HTR2C: variants seen among roughly 807,000 people sequenced by gnomAD.
HTR2C encodes 5-hydroxytryptamine (serotonin) receptor 2C, G protein-coupled.
Under a neutral mutation model 21.0 loss-of-function variants are expected in HTR2C, and 5 were observed. The ratio of observed to expected loss-of-function variants is 0.24; its 90% CI spans 0.12 to 0.50. The LOEUF (loss-of-function observed/expected upper bound fraction) is 0.50. Among genes scored for constraint, HTR2C ranks in the 20% least tolerant of loss-of-function variants. The pLI is 0.98. For synonymous variants in HTR2C, 150 were observed against 145.3 expected (o/e 1.03, Z -0.23); for missense variants, 271 against 371.2 (o/e 0.73, Z 2.22).
chrX:114,906,014 A>C (rs917319793), intron 5 of HTR2C, among the ~76,000 whole-genome samples: 2 of 110,907 alleles, frequency 1.8e-5, no homozygotes, highest in Admixed American at 9.6e-5. Flanking sequence ...ACAAACAAAA[A>C]CCCTTGCTAA....
intron 4 of HTR2C, among the ~76,000 whole-genome samples, chrX:114,762,701 G>T (rs1454355327): frequency 9.0e-6 from 1 of 111,605 alleles, no homozygotes; most frequent in Non-Finnish European, 1.9e-5. Flanking sequence ...TTTATCATTT[G>T]AATACATTTT....
rs1933515316 is a variant in HTR2C, at chrX:114,726,913, T to C, written c.-24T>C. On this transcript the variant is annotated 5_prime_UTR_variant, in exon 3 of 6. Transcript: ENST00000276198. ...ATTTCGTCTTCTCAATTTTAAACTT[T>C]GGTTGCTTAAGACTGAAGCAATCAT... 1.8e-6 allele frequency: 2 copies of C among 1,095,625 alleles called. No homozygotes were observed. The highest frequency in any genetic ancestry group is 6.7e-5 in the East Asian group (2 of 29,911). The allele number at this position is 1,095,625 out of a possible 1,213,427, so 90.3% of individuals were successfully genotyped here. A position where few individuals can be genotyped will look rare whatever the true frequency, so the allele number is the denominator to read the frequency against.
intron 4 of HTR2C, among the ~76,000 whole-genome samples, chrX:114,736,067 C>T (rs1233677205): frequency 1.8e-5 from 2 of 108,723 alleles, no homozygotes; most frequent in East Asian, 2.9e-4. Context: ...GAGCCGAGAT[C>T]GCGCCACTGC....
intron 2 of HTR2C, among the ~76,000 whole-genome samples, chrX:114,676,190 A>G (rs1556412628): frequency 9.0e-6 from 1 of 111,417 alleles, no homozygotes. Flanking sequence ...TTTGATAACC[A>G]TATCTCATAT....
chrX:114,722,471 T>C (rs1334593322), intron 2 of HTR2C, among the ~76,000 whole-genome samples: 2 of 111,330 alleles, frequency 1.8e-5, no homozygotes, highest in African/African-American at 6.6e-5. Context: ...CAGGGACAAT[T>C]TGACGTCCTC....
At chrX:114,589,168 G>T (rs1385602811) in intron 1 of HTR2C, among the ~76,000 whole-genome samples, 4 of 111,909 alleles carry the variant, frequency 3.6e-5, no homozygotes, top group African/African-American at 1.3e-4. Flanking sequence ...GTAAATGTGA[G>T]GATATTAATG....
intron 4 of HTR2C, among the ~76,000 whole-genome samples, chrX:114,793,570 C>A (rs1266001094): frequency 9.0e-6 from 1 of 111,630 alleles, no homozygotes; most frequent in African/African-American, 3.2e-5. Context: ...TTCCCACCCT[C>A]CTTTAATGGG....
At chrX:114,828,492 A>G (rs1238663571) in intron 4 of HTR2C, among the ~76,000 whole-genome samples, 1 of 111,590 alleles carries the variant, frequency 9.0e-6, no homozygotes, top group East Asian at 2.8e-4. Flanking sequence ...AATTCTGTGT[A>G]TATTTGGATA....
At chrX:114,856,935 AT>A (rs782351319) in intron 5 of HTR2C, among the ~76,000 whole-genome samples, 1 of 111,238 alleles carries the variant, frequency 9.0e-6, no homozygotes, top group East Asian at 2.8e-4. Context: ...TAACATATTA[AT>A]ATTTCTATGG....
intron 4 of HTR2C, among the ~76,000 whole-genome samples, chrX:114,767,264 T>A (rs2069955810): frequency 9.0e-6 from 1 of 110,966 alleles, no homozygotes; most frequent in Non-Finnish European, 1.9e-5. Flanking sequence ...GAGTTCGTAC[T>A]TAGAGTATAC....
chrX:114,603,960 A>G (rs1928267127), intron 1 of HTR2C, among the ~76,000 whole-genome samples: 2 of 102,918 alleles, frequency 1.9e-5, no homozygotes, highest in Admixed American at 1.1e-4. Flanking sequence ...TTGTAAGGAG[A>G]GTTTATAGGC....
intron 4 of HTR2C, among the ~76,000 whole-genome samples, chrX:114,734,262 T>C (rs2069566025): frequency 9.0e-6 from 1 of 110,997 alleles, no homozygotes; most frequent in Non-Finnish European, 1.9e-5. Context: ...TAGAGTGTGG[T>C]TGAAATAGAA....
chrX:114,783,113 G>A (rs1163338968), intron 4 of HTR2C, among the ~76,000 whole-genome samples: 1 of 111,462 alleles, frequency 9.0e-6, no homozygotes. Context: ...AATGTAAATG[G>A]TCTAAAATTT....
At chrX:114,761,036 ATT>A (rs1420241433) in intron 4 of HTR2C, among the ~76,000 whole-genome samples, 1 of 111,258 alleles carries the variant, frequency 9.0e-6, no homozygotes, top group Non-Finnish European at 1.9e-5. Context: ...TTTTAGTAGC[ATT>A]TTTTTTCTTA....
intron 5 of HTR2C, among the ~76,000 whole-genome samples, chrX:114,858,267 C>T (rs985981131): frequency 3.6e-5 from 4 of 111,143 alleles, no homozygotes; most frequent in African/African-American, 9.8e-5. Flanking sequence ...ATTGGTATTG[C>T]ATTAAATCTA....
intron 4 of HTR2C, among the ~76,000 whole-genome samples, chrX:114,763,648 C>T (rs1222741112): frequency 9.0e-6 from 1 of 111,032 alleles, no homozygotes; most frequent in Admixed American, 9.6e-5. Flanking sequence ...AAAAACATCC[C>T]TCTGAAAAGC....
intron 5 of HTR2C, among the ~76,000 whole-genome samples, chrX:114,862,173 A>T (rs2071011723): frequency 9.0e-6 from 1 of 111,157 alleles, no homozygotes; most frequent in African/African-American, 3.3e-5. Flanking sequence ...ATGTCAGATA[A>T]GGGTCAAATT....
At chrX:114,782,331 T>G (rs781940117) in intron 4 of HTR2C, among the ~76,000 whole-genome samples, 3 of 111,207 alleles carry the variant, frequency 2.7e-5, no homozygotes, top group Non-Finnish European at 5.7e-5. Flanking sequence ...TGAATCTAGA[T>G]AGAAGGTCTG....
chrX:114,836,679 GC>G (rs2070788785), intron 4 of HTR2C, among the ~76,000 whole-genome samples: 1 of 112,194 alleles, frequency 8.9e-6, no homozygotes. Flanking sequence ...CATCGCTCAG[GC>G]TGGGAGCTGT....
Sources: gnomAD v4.1 joint callset for allele counts (sites outside exome capture counted in the v4.1 genomes callset) on GRCh38, gnomAD v4.1.1 for gene constraint, MANE v1.5 for transcripts, NCBI Gene and HGNC (gene_info 2026-07-23, HGNC 2026-07-21) for gene names.